The following FRMD4A variants were observed in gnomAD, a reference collection of about 807,000 sequenced individuals.
The protein encoded by FRMD4A is FERM domain containing 4A.
A neutral mutation model predicts 129.1 loss-of-function variants in FRMD4A; 29 were observed. The observed-to-expected ratio is 0.22, with a 90% CI of 0.17 to 0.31. FRMD4A has a LOEUF of 0.31. Among genes scored for constraint, FRMD4A ranks in the 10% least tolerant of loss-of-function variants. The pLI, the probability that FRMD4A is intolerant of heterozygous loss-of-function variation, is 1.00. For missense variants in FRMD4A, 1,272 were observed against 1,375.8 expected, an observed-to-expected ratio of 0.92 and a Z score of 1.19; for synonymous variants, 634 against 571.6, an observed-to-expected ratio of 1.11 and a Z score of -1.56.
intron 3 of FRMD4A, among the ~76,000 whole-genome samples, chr10:13,845,424 C>T (rs554546800): frequency 8.2e-4 from 125 of 152,284 alleles, no homozygotes; most frequent in African/African-American, 2.7e-3. Flanking sequence ...CTGAACTCTA[C>T]GACTACTCCA....
chr10:14,005,973 G>A lies in FRMD4A; in HGVS notation c.46-147061C>T, dbSNP rs532009730. On this transcript the variant is annotated intron_variant, in intron 2 of 24. Coordinates refer to ENST00000357447, the MANE Select transcript of FRMD4A (RefSeq NM_018027.5). ...ATGGAAACCAACTCAAATGCCTGGC[G>A]CCCTTAGAGCCGCTGATGGAACTGA... is the stretch of plus-strand genomic sequence containing the variant. Among the ~76,000 whole-genome samples, 6 of 152,198 alleles carry A rather than the reference G, an allele frequency of 3.9e-5. No individual in the cohort carries two copies. The East Asian group carries it at 7.7e-4, about 20-fold the overall frequency.
chr10:14,130,806 C>G (rs114148164), intron 2 of FRMD4A, among the ~76,000 whole-genome samples: 1 of 152,116 alleles, frequency 6.6e-6, no homozygotes, highest in Non-Finnish European at 1.5e-5. Context: ...GGGAATAAGG[C>G]GTTTACATTT....
chr10:13,740,621 C>A, intron 9 of FRMD4A, 44 bp from the exon 10 acceptor site: 2 of 1,007,998 alleles, frequency 2.0e-6, no homozygotes, highest in South Asian at 2.7e-5. Context: ...GTCTCTAGGT[C>A]AACAGCCAAG....
At chr10:13,768,202 G>C (rs2092349242) in intron 6 of FRMD4A, among the ~76,000 whole-genome samples, 1 of 152,124 alleles carries the variant, frequency 6.6e-6, no homozygotes, top group Admixed American at 6.6e-5. Context: ...AGAGGCCTGA[G>C]GTCATTTATC....
At chr10:14,272,766 T>G (rs767310201) in intron 2 of FRMD4A, among the ~76,000 whole-genome samples, 23 of 152,180 alleles carry the variant, frequency 1.5e-4, no homozygotes, top group Non-Finnish European at 2.2e-4. Context: ...TTGAAGGTGG[T>G]CAGGAATATT....
chr10:14,197,116 T>C (rs1394802229), intron 2 of FRMD4A, among the ~76,000 whole-genome samples: 1 of 152,080 alleles, frequency 6.6e-6, no homozygotes, highest in African/African-American at 2.4e-5. Flanking sequence ...GGCGCGACAA[T>C]AAGGCTGGGA....
chr10:14,114,604 C>A (rs753541249), intron 2 of FRMD4A, among the ~76,000 whole-genome samples: 54 of 152,266 alleles, frequency 3.5e-4, no homozygotes, highest in Middle Eastern at 6.8e-3. Context: ...GAGGGAGGGG[C>A]GTGGAGGAAG....
chr10:14,023,541 G>A (rs1359541143), intron 2 of FRMD4A, among the ~76,000 whole-genome samples: 1 of 152,176 alleles, frequency 6.6e-6, no homozygotes, highest in Non-Finnish European at 1.5e-5. Flanking sequence ...CTTGGATCGA[G>A]AAGACCTTTC....
chr10:14,080,034 T>G (rs1381147), intron 2 of FRMD4A, among the ~76,000 whole-genome samples: 1 of 152,224 alleles, frequency 6.6e-6, no homozygotes, highest in South Asian at 2.1e-4. Flanking sequence ...CCCTTGGACC[T>G]CCTGCCTGGA....
Position 13,697,587 on chromosome 10 carries a change from C to T in FRMD4A, c.976-3548G>A, listed in dbSNP as rs11258535. ...GGGCTGACCTTAAGGAGTCCCCAGA[C>T]TCTGGAACATTTTGGTCTGGGAGTC... On this transcript the variant is annotated intron_variant, in intron 14 of 24. Coordinates refer to ENST00000357447, the MANE Select transcript of FRMD4A (RefSeq NM_018027.5). Among the ~76,000 whole-genome samples the T allele has an allele frequency of 7.9e-3, 1,198 of 152,258 alleles. 24 individuals carry two copies. The East Asian group carries it at 0.09, about 11-fold the overall frequency.
intron 12 of FRMD4A, among the ~76,000 whole-genome samples, chr10:13,733,097 A>C: frequency 6.6e-6 from 1 of 152,254 alleles, no homozygotes; most frequent in East Asian, 1.9e-4. Flanking sequence ...CTTTTGGCTT[A>C]GGTGCGGACT....
chr10:14,119,911 A>G (rs1838404994), intron 2 of FRMD4A, among the ~76,000 whole-genome samples: 1 of 152,114 alleles, frequency 6.6e-6, no homozygotes, highest in South Asian at 2.1e-4. Flanking sequence ...GGACTATAAA[A>G]TATGGGTTAA....
At chr10:14,185,526 G>A (rs573936539) in intron 2 of FRMD4A, among the ~76,000 whole-genome samples, 45 of 152,258 alleles carry the variant, frequency 3.0e-4, no homozygotes, top group Middle Eastern at 3.4e-3. Flanking sequence ...GTTTGTTGTA[G>A]AACTATGGAA....
At chr10:13,836,203 G>T (rs752154521) in intron 3 of FRMD4A, among the ~76,000 whole-genome samples, 4 of 152,156 alleles carry the variant, frequency 2.6e-5, no homozygotes, top group African/African-American at 9.7e-5. Flanking sequence ...TTGCCATGTT[G>T]GCCAGGCTGG....
At chr10:14,264,753 C>T (rs926724700) in intron 2 of FRMD4A, among the ~76,000 whole-genome samples, 2 of 152,142 alleles carry the variant, frequency 1.3e-5, no homozygotes, top group African/African-American at 4.8e-5. Context: ...ACACTGTAAT[C>T]CATTAACATT....
chr10:14,224,764 A>G (rs1451945769), intron 2 of FRMD4A, among the ~76,000 whole-genome samples: 1 of 152,220 alleles, frequency 6.6e-6, no homozygotes, highest in African/African-American at 2.4e-5. Flanking sequence ...GACTATGTTA[A>G]GAGGAGAGAA....
chr10:14,003,058 G>T (rs943693839), intron 2 of FRMD4A, among the ~76,000 whole-genome samples: 2 of 152,142 alleles, frequency 1.3e-5, no homozygotes, highest in Non-Finnish European at 2.9e-5. Flanking sequence ...TTCAGTAGAC[G>T]AGTGACACAA....
intron 2 of FRMD4A, among the ~76,000 whole-genome samples, chr10:14,080,667 C>T (rs1835879385): frequency 1.3e-5 from 2 of 151,926 alleles, no homozygotes; most frequent in African/African-American, 4.8e-5. Flanking sequence ...CCAGCCCTAC[C>T]ATTTTGCAGA....
At chr10:14,127,584 T>C (rs917180209) in intron 2 of FRMD4A, among the ~76,000 whole-genome samples, 1 of 152,102 alleles carries the variant, frequency 6.6e-6, no homozygotes, top group Admixed American at 6.5e-5. Flanking sequence ...AGTTTTCCCA[T>C]CTGAAAAATA....
Sources: gnomAD v4.1 joint callset for allele counts (sites outside exome capture counted in the v4.1 genomes callset) on GRCh38, gnomAD v4.1.1 for gene constraint, MANE v1.5 for transcripts, NCBI Gene and HGNC (gene_info 2026-07-23, HGNC 2026-07-21) for gene names.